SORCS3: variants seen among roughly 807,000 people sequenced by gnomAD.
SORCS3 encodes the protein sortilin related VPS10 domain containing receptor 3.
SORCS3 carries 57 observed loss-of-function variants against 146.3 expected under a neutral mutation model. The ratio of observed to expected loss-of-function variants is 0.39; its 90% CI spans 0.31 to 0.49. SORCS3 has a LOEUF of 0.49. Among genes scored for constraint, SORCS3 ranks in the 20% least tolerant of loss-of-function variants. The pLI, the probability that SORCS3 is intolerant of heterozygous loss-of-function variation, is 0.92. For synonymous variants in SORCS3, 653 were observed against 618.5 expected, an observed-to-expected ratio of 1.06 and a Z score of -0.83; for missense variants, 1,341 against 1,575.5, an observed-to-expected ratio of 0.85 and a Z score of 2.52.
intron 1 of SORCS3, among the ~76,000 whole-genome samples, chr10:104,754,413 C>T (rs190411533): frequency 6.6e-6 from 1 of 152,280 alleles, no homozygotes; most frequent in African/African-American, 2.4e-5. Context: ...TCATGGGCAC[C>T]TTTGAGCATC....
intron 3 of SORCS3, among the ~76,000 whole-genome samples, chr10:104,952,255 G>GGA (rs2019439571): frequency 1.7e-4 from 7 of 40,608 alleles, no homozygotes; most frequent in South Asian, 1.7e-3. Flanking sequence ...ATGAATGTTT[G>GGA]AAAAAAAAAA....
At chr10:105,061,380 C>T (rs1282846626) in intron 5 of SORCS3, among the ~76,000 whole-genome samples, 5 of 150,350 alleles carry the variant, frequency 3.3e-5, no homozygotes, top group East Asian at 2.0e-4. Context: ...CTACAAGCTC[C>T]GCCTCCCAGG....
intron 16 of SORCS3, among the ~76,000 whole-genome samples, chr10:105,209,901 A>T (rs1346005859): frequency 6.6e-6 from 1 of 152,120 alleles, no homozygotes; most frequent in Non-Finnish European, 1.5e-5. Flanking sequence ...GCTGTGTTGC[A>T]TATGGTTTTA....
In SORCS3 at chr10:105,210,050, T is replaced by C. The variant is rs1449339398; in HGVS notation, c.2262-1087T>C. Among the ~76,000 whole-genome samples, 5 of 152,160 alleles carry C rather than the reference T, an allele frequency of 3.3e-5. No individual in the cohort carries two copies. The East Asian group carries it at 9.7e-4, about 29-fold the overall frequency. On this transcript the variant is annotated intron_variant, in intron 16 of 26. Coordinates refer to ENST00000369701, the MANE Select transcript of SORCS3 (RefSeq NM_014978.3). ...TTTACAGGGCAGAGCACATAGTGAG[T>C]TGTAAATAGATGTGGAATTAAATTT... is the stretch of plus-strand genomic sequence containing the variant.
intron 7 of SORCS3, among the ~76,000 whole-genome samples, chr10:105,137,208 G>A (rs1046910364): frequency 6.6e-6 from 1 of 152,110 alleles, no homozygotes; most frequent in African/African-American, 2.4e-5. Context: ...TTCAGGAATG[G>A]GACTTGCCTT....
chr10:104,746,168 G>T (rs553544213), intron 1 of SORCS3, among the ~76,000 whole-genome samples: 71 of 148,280 alleles, frequency 4.8e-4, no homozygotes, highest in Non-Finnish European at 9.2e-4. Context: ...GTGGAGTCTC[G>T]CTCTGTCACC....
Position 104,977,730 on chromosome 10 carries a change from CTTTT to C in SORCS3, c.954+254_954+257del, listed in dbSNP as rs796233007. Among the ~76,000 whole-genome samples, 947 of 122,868 alleles carry C rather than the reference CTTTT, an allele frequency of 7.7e-3. 9 individuals are homozygous for C. The highest frequency in any genetic ancestry group is 0.027 in the African/African-American group (913 of 33,210). 80.6% of individuals were successfully genotyped at this position (122,868 alleles called of 152,430 possible). On this transcript the variant is annotated intron_variant, in intron 4 of 26. Coordinates refer to ENST00000369701, the MANE Select transcript of SORCS3 (RefSeq NM_014978.3). ...CAATGCTATTATTTCCTTTTCTTTT[CTTTT>C]TTTTTTTTTTTTTTTTGACACAGAG...
intron 3 of SORCS3, among the ~76,000 whole-genome samples, chr10:104,930,880 T>C (rs574770371): frequency 6.6e-6 from 1 of 152,328 alleles, no homozygotes; most frequent in African/African-American, 2.4e-5. Flanking sequence ...GATAGAAGGA[T>C]TAAATGAGAA....
At chr10:104,773,550 AC>A (rs2017275609) in intron 1 of SORCS3, among the ~76,000 whole-genome samples, 1 of 152,140 alleles carries the variant, frequency 6.6e-6, no homozygotes, top group Non-Finnish European at 1.5e-5. Flanking sequence ...TTACCAGCAC[AC>A]CACTGCCAGC....
At chr10:104,675,860 A>G (rs558434354) in intron 1 of SORCS3, among the ~76,000 whole-genome samples, 1 of 152,176 alleles carries the variant, frequency 6.6e-6, no homozygotes, top group East Asian at 1.9e-4. Flanking sequence ...TTGTGTTTTC[A>G]TAAACATTTT....
At chr10:105,261,748 T>C (rs2056961627) in intron 25 of SORCS3, among the ~76,000 whole-genome samples, 1 of 152,212 alleles carries the variant, frequency 6.6e-6, no homozygotes, top group South Asian at 2.1e-4. Context: ...CTATTTAGCT[T>C]CTCTTAATCC....
At chr10:104,829,421 G>C (rs982184752) in intron 1 of SORCS3, among the ~76,000 whole-genome samples, 1 of 152,172 alleles carries the variant, frequency 6.6e-6, no homozygotes, top group Admixed American at 6.5e-5. Flanking sequence ...GTAGAGAACA[G>C]GAGAAGGGCT....
chr10:104,752,334 C>A (rs915748391), intron 1 of SORCS3, among the ~76,000 whole-genome samples: 21 of 152,050 alleles, frequency 1.4e-4, no homozygotes, highest in African/African-American at 5.1e-4. Context: ...CCGCACCTGG[C>A]TAAAGCATTA....
At chr10:104,840,953 TGGC>T (rs757070631) in intron 1 of SORCS3, among the ~76,000 whole-genome samples, 1 of 152,202 alleles carries the variant, frequency 6.6e-6, no homozygotes, top group Non-Finnish European at 1.5e-5. Flanking sequence ...GAATTTGGCA[TGGC>T]CTGCACATAG....
chr10:104,867,766 G>A (rs1015373561), intron 2 of SORCS3, among the ~76,000 whole-genome samples: 2 of 152,164 alleles, frequency 1.3e-5, no homozygotes, highest in Non-Finnish European at 2.9e-5. Flanking sequence ...GAGGATACAG[G>A]CCTTCAAAGG....
intron 1 of SORCS3, among the ~76,000 whole-genome samples, chr10:104,723,722 C>T (rs2016582416): frequency 1.3e-5 from 2 of 152,134 alleles, no homozygotes; most frequent in South Asian, 4.1e-4. Context: ...TGATCCCTTT[C>T]CATTGTGTAA....
At chr10:105,175,377 G>A (rs571805664) in intron 13 of SORCS3, among the ~76,000 whole-genome samples, 1 of 152,122 alleles carries the variant, frequency 6.6e-6, no homozygotes, top group East Asian at 1.9e-4. Context: ...TATTGATAAG[G>A]AAATCCTGAG....
chr10:104,858,970 C>T (rs1162862020), intron 2 of SORCS3, among the ~76,000 whole-genome samples: 1 of 149,628 alleles, frequency 6.7e-6, no homozygotes, highest in Non-Finnish European at 1.5e-5. Flanking sequence ...AAAAGAAGTG[C>T]ACATTTCTTA....
At chr10:104,875,688 A>T (rs2018564434) in intron 2 of SORCS3, among the ~76,000 whole-genome samples, 1 of 152,180 alleles carries the variant, frequency 6.6e-6, no homozygotes, top group African/African-American at 2.4e-5. Context: ...ATTCCTAGTT[A>T]GTTATTGCCG....
Sources: gnomAD v4.1 joint callset for allele counts (sites outside exome capture counted in the v4.1 genomes callset) on GRCh38, gnomAD v4.1.1 for gene constraint, MANE v1.5 for transcripts, NCBI Gene and HGNC (gene_info 2026-07-23, HGNC 2026-07-21) for gene names.